FCRL1: variants seen among roughly 807,000 people sequenced by gnomAD.
The protein encoded by FCRL1 is Fc receptor-like protein 1.
FCRL1 carries 34 observed loss-of-function variants against 49.2 expected under a neutral mutation model. That is an observed-to-expected ratio of 0.69 (90% CI 0.53 to 0.92). The LOEUF is 0.92. FCRL1 is among the 40% of genes least tolerant of loss of function. The probability of loss-of-function intolerance (pLI) is 0.00; values close to 1 mark genes in which losing one functional copy is unlikely to be tolerated. For missense variants in FCRL1, 524 were observed against 524.1 expected, an observed-to-expected ratio of 1.00 and a Z score of 0.00; for synonymous variants, 218 against 201.6, an observed-to-expected ratio of 1.08 and a Z score of -0.69.
chr1:157,797,557 A>G, intron 9 of FCRL1: 1 of 612,532 alleles, frequency 1.6e-6, no homozygotes, highest in Admixed American at 2.9e-5. Context: ...ACCTTATTGT[A>G]ACTACATGTT....
rs1651403683 is a variant in FCRL1 at position 157,795,996 on chromosome 1, A to G, written c.*103T>C. 1.1e-6 allele frequency: 1 copy of G among 944,576 alleles called. No homozygotes were observed. The highest frequency in any genetic ancestry group is 2.4e-5 in the East Asian group (1 of 41,596). The allele number at this position is 944,576 out of a possible 1,614,324, so 58.5% of individuals were successfully genotyped here. The stretch of plus-strand genomic sequence containing the variant: ...AGTGCCATGGAGAATGGCATCCAGA[A>G]GAGGTATACTGGAAAGCTAATGCCC... On this transcript the variant is annotated 3_prime_UTR_variant, in exon 11 of 11. Coordinates refer to ENST00000368176, the MANE Select transcript of FCRL1 (RefSeq NM_052938.5).
Position 157,796,002 on chromosome 1 carries a change from A to G in FCRL1, c.*97T>C. ...ATGGAGAATGGCATCCAGAAGAGGT[A>G]TACTGGAAAGCTAATGCCCCAGGAT... On this transcript the variant is annotated 3_prime_UTR_variant, in exon 11 of 11. Coordinates refer to ENST00000368176, the MANE Select transcript of FCRL1 (RefSeq NM_052938.5). 1 of 995,436 alleles carries G rather than the reference A, an allele frequency of 1.0e-6. No homozygotes were observed. The highest frequency in any genetic ancestry group is 2.4e-5 in the East Asian group (1 of 41,936). 61.7% of individuals were successfully genotyped at this position (995,436 alleles called of 1,614,324 possible).
intron 2 of FCRL1, among the ~76,000 whole-genome samples, chr1:157,804,754 T>G (rs79922972): frequency 0.041 from 6,204 of 152,308 alleles, 400 homozygotes; most frequent in African/African-American, 0.14. Context: ...ACACAGCTTC[T>G]TTACAAACCT....
intron 1 of FCRL1, among the ~76,000 whole-genome samples, chr1:157,814,782 G>C (rs973421759): frequency 6.6e-6 from 1 of 151,822 alleles, no homozygotes; most frequent in Non-Finnish European, 1.5e-5. Flanking sequence ...GAAATACCAT[G>C]AAAATGGAGA....
intron 1 of FCRL1, among the ~76,000 whole-genome samples, chr1:157,815,829 T>C (rs753238431): frequency 1.2e-4 from 18 of 151,898 alleles, no homozygotes; most frequent in Non-Finnish European, 2.4e-4. Context: ...TGAACAATTA[T>C]ATGCAAACAA....
chr1:157,800,235 T>A, intron 6 of FCRL1, 150 bp from the exon 7 acceptor site: 1 of 563,810 alleles, frequency 1.8e-6, no homozygotes, highest in South Asian at 4.4e-5. Flanking sequence ...ATCCTGGCAA[T>A]CATTTACAGA....
At chr1:157,819,689 C>A (rs563793723) in intron 1 of FCRL1, among the ~76,000 whole-genome samples, 7 of 151,978 alleles carry the variant, frequency 4.6e-5, no homozygotes, top group African/African-American at 1.7e-4. Flanking sequence ...AATTCAGAGG[C>A]CTATTTATTA....
At chr1:157,806,105 A>G (rs1168324936) in intron 2 of FCRL1, among the ~76,000 whole-genome samples, 1 of 152,152 alleles carries the variant, frequency 6.6e-6, no homozygotes, top group Non-Finnish European at 1.5e-5. Flanking sequence ...CATCTTTGAT[A>G]TGGCTTTGGA....
rs572521831 is a variant in FCRL1, at chr1:157,809,604, C to T, written c.32-2482G>A. The stretch of plus-strand genomic sequence containing the variant: ...GCTGGGATTACAGGCATGTGCCAGC[C>T]ACCACACCCAGCTAATTTTGTATTT... On this transcript the variant is annotated intron_variant, in intron 1 of 10. Coordinates refer to ENST00000368176, the MANE Select transcript of FCRL1 (RefSeq NM_052938.5). Among the ~76,000 whole-genome samples the T allele has an allele frequency of 8.5e-5, 13 of 152,186 alleles. No individual in the cohort carries two copies. In the South Asian group the frequency reaches 2.7e-3, roughly 32 times the overall value.
Position 157,795,347 on chromosome 1 carries a change from C to T in FCRL1, c.*752G>A, listed in dbSNP as rs1384478564. On this transcript the variant is annotated 3_prime_UTR_variant, in exon 11 of 11. Transcript: ENST00000368176. ...TCCAGATTGAGTGACAGAGTGAGAC[C>T]CTGTCTCAATTTAAAAAAAAAATAA... 6.6e-6 allele frequency: 1 copy of T among 151,826 alleles called. No homozygotes were observed. 9.4% of individuals were successfully genotyped at this position (151,826 alleles called of 1,614,324 possible).
rs909305458 is a variant in FCRL1 at position 157,803,906 on chromosome 1, G to A, written c.258C>T (p.Cys86=). The change falls in exon 3 of 11, where the codon TGC becomes TGT. Residue 86 remains cysteine, a synonymous_variant. Transcript: ENST00000368176. ...CTTTGGACGCCATTGTCTGTGCCTC[G>A]CACCAGTATGACCCTGTGTCTTCTT... ...MWKEDTGSYW[C]EAQTMASKVL... 7.4e-6 allele frequency: 12 copies of A among 1,614,032 alleles called. No individual in the cohort carries two copies. The highest frequency in any genetic ancestry group is 4.4e-5 in the South Asian group (4 of 91,080).
At chr1:157,799,680 T>C (rs113558523) in intron 7 of FCRL1, among the ~76,000 whole-genome samples, 1 of 151,978 alleles carries the variant, frequency 6.6e-6, no homozygotes, top group Non-Finnish European at 1.5e-5. Context: ...TTAGGAGATA[T>C]ACCTAATGCT....
intron 1 of FCRL1, among the ~76,000 whole-genome samples, chr1:157,808,313 A>G (rs1653786165): frequency 6.6e-6 from 1 of 152,226 alleles, no homozygotes; most frequent in Admixed American, 6.5e-5. Flanking sequence ...AAAATAAAGC[A>G]GAGAAATAAG....
At chr1:157,797,010 CTCTT>C (rs1285068623) in intron 10 of FCRL1, 87 bp downstream of exon 10, 29 of 1,291,802 alleles carry the variant, frequency 2.2e-5, no homozygotes, top group East Asian at 9.3e-5. Flanking sequence ...GGGATTTTTG[CTCTT>C]TCTAAGTGGC....
chr1:157,803,823 G>C, intron 3 of FCRL1, 22 bp downstream of exon 3: 1 of 1,609,066 alleles, frequency 6.2e-7, no homozygotes, highest in East Asian at 2.2e-5. Flanking sequence ...TATCCTGGCA[G>C]ACTGACCCCA....
intron 7 of FCRL1, 61 bp downstream of exon 7, chr1:157,799,997 A>G: frequency 6.6e-7 from 1 of 1,516,700 alleles, no homozygotes; most frequent in African/African-American, 1.4e-5. Context: ...AACAAATCTA[A>G]ATCTATTTTT....
chr1:157,797,644 G>C, intron 9 of FCRL1: 1 of 1,181,248 alleles, frequency 8.5e-7, no homozygotes, highest in Admixed American at 2.1e-5. Flanking sequence ...TATAATTTAA[G>C]AAATTTGACA....
chr1:157,816,141 C>A (rs532040137), intron 1 of FCRL1, among the ~76,000 whole-genome samples: 1 of 151,826 alleles, frequency 6.6e-6, no homozygotes, highest in Admixed American at 6.6e-5. Context: ...GACAAAAACA[C>A]AACAAAAAGA....
rs1411159485 is a variant in FCRL1 at position 157,795,923 on chromosome 1, AGT to A, written c.*174_*175del. The A allele has an allele frequency of 1.1e-4, 64 of 574,046 alleles. No individual in the cohort carries two copies. In the East Asian group the frequency reaches 1.8e-3, roughly 16 times the overall value. The allele number at this position is 574,046 out of a possible 1,614,324, so 35.6% of individuals were successfully genotyped here. A position where few individuals can be genotyped will look rare whatever the true frequency, so the allele number is the denominator to read the frequency against. On this transcript the variant is annotated 3_prime_UTR_variant, in exon 11 of 11. Transcript: ENST00000368176. ...CCTGTGTCTATTAGTTCTCCTAGGT[AGT>A]TTCTTCAGGGCTGCGCCAACTTCAC...
Sources: allele counts gnomAD v4.1 joint callset (sites outside exome capture counted in the v4.1 genomes callset), GRCh38; gene constraint gnomAD v4.1.1; transcripts MANE v1.5; gene names NCBI Gene and HGNC (gene_info 2026-07-23, HGNC 2026-07-21).